The following CLDND1 variants were observed in gnomAD, a reference collection of about 807,000 sequenced individuals.
CLDND1 encodes claudin domain containing 1.
CLDND1 carries 13 observed loss-of-function variants against 26.3 expected under a neutral mutation model. The observed-to-expected ratio is 0.49, with a 90% CI of 0.32 to 0.78. The LOEUF (loss-of-function observed/expected upper bound fraction) is 0.78, where lower values mean the gene tolerates loss of function less well. CLDND1 is among the 30% of genes least tolerant of loss of function. CLDND1 has a pLI of 0.03. For synonymous variants in CLDND1, 107 were observed against 107.0 expected (o/e 1.00, Z 0.00); for missense variants, 289 against 312.8 (o/e 0.92, Z 0.57).
At chr3:98,522,085 A>G (rs1013760200) in intron 1 of CLDND1, 1 of 182,260 alleles carries the variant, frequency 5.5e-6, no homozygotes, top group Non-Finnish European at 1.1e-5. Flanking sequence ...AGCTAAGCCA[A>G]GCTTCTTTAC....
chr3:98,520,178 C>A (rs574962838), intron 2 of CLDND1, among the ~76,000 whole-genome samples: 1 of 152,296 alleles, frequency 6.6e-6, no homozygotes, highest in Non-Finnish European at 1.5e-5. Flanking sequence ...TGGAGACATG[C>A]AATAAATTAT....
At chr3:98,519,933 T>C (rs1043516964) in intron 2 of CLDND1, among the ~76,000 whole-genome samples, 1 of 152,380 alleles carries the variant, frequency 6.6e-6, no homozygotes, top group East Asian at 1.9e-4. Flanking sequence ...AAGTATCCTA[T>C]TGAAAATCAT....
In CLDND1 at chr3:98,516,866, C is replaced by T. The variant is rs1243501591; in HGVS notation, c.555G>A (p.Leu185=). ...CAGCAACATAACAACTTACTGAGCC[C>T]AGTGTACACAGACCTTGGGGGAAAA... ...ILHLLAGLCT[L]GSVSCYVAGI... Residue 185 remains leucine, a synonymous_variant, in exon 5 of 5, where the codon CTG becomes CTA. Coordinates refer to ENST00000341181, the MANE Select transcript of CLDND1 (RefSeq NM_001040181.2). The T allele has an allele frequency of 6.2e-7, 1 of 1,614,124 alleles. No individual in the cohort carries two copies. Among genetic ancestry groups the T allele is most frequent in the South Asian group, 1.1e-5 (1 of 91,074 alleles).
intron 2 of CLDND1, 35 bp downstream of exon 2, chr3:98,521,098 G>C: frequency 6.4e-7 from 1 of 1,567,262 alleles, no homozygotes; most frequent in Non-Finnish European, 8.7e-7. Context: ...TTATTAACCA[G>C]GTGAAGAAGA....
chr3:98,519,851 T>C (rs1057152622), intron 2 of CLDND1, among the ~76,000 whole-genome samples: 1 of 152,234 alleles, frequency 6.6e-6, no homozygotes, highest in Non-Finnish European at 1.5e-5. Context: ...TTTACCCATA[T>C]GGCCAACTCT....
intron 3 of CLDND1, chr3:98,518,675 C>A (rs1425297451): frequency 5.6e-6 from 3 of 538,404 alleles, no homozygotes; most frequent in Non-Finnish European, 9.9e-6. Flanking sequence ...AAGTAGTTGG[C>A]CCTGTCAACT....
At chr3:98,522,783 C>T (rs1706483869) in intron 1 of CLDND1, 66 bp downstream of exon 1, 2 of 1,612,868 alleles carry the variant, frequency 1.2e-6, no homozygotes, top group Admixed American at 1.7e-5. Context: ...GGCCCCTCTT[C>T]AAACCGCCGG....
At position 98,521,157 on chromosome 3, in the gene CLDND1, A is replaced by C. The variant is rs1308467999; in HGVS notation, c.268T>G (p.Trp90Gly). The change falls in exon 2 of 5, where the codon TGG becomes GGG. Residue 90 changes from tryptophan to glycine, a missense_variant. Transcript: ENST00000341181. ...RCITIPKNMH[W>G]YSPPERTESF... ...CCTGTCCTTTCTGGTGGGCTATACC[A>C]ATGCATGTTTTTGGGTATGGTGATA... 6.2e-7 allele frequency: 1 copy of C among 1,613,700 alleles called. No homozygotes were observed. The highest frequency in any genetic ancestry group is 8.5e-7 in the Non-Finnish European group (1 of 1,179,658).
intron 1 of CLDND1, chr3:98,521,966 TGAAGATG>T: frequency 2.3e-6 from 1 of 436,966 alleles, no homozygotes; most frequent in Non-Finnish European, 4.1e-6. Flanking sequence ...AAAACAGAGT[TGAAGATG>T]TTTGTTAACC....
intron 3 of CLDND1, 87 bp from the exon 4 acceptor site, chr3:98,517,276 G>T: frequency 6.9e-7 from 1 of 1,443,800 alleles, no homozygotes; most frequent in Non-Finnish European, 9.4e-7. Flanking sequence ...ATTCTAATTA[G>T]ATCTTTTCTC....
Position 98,516,862 on chromosome 3 carries a change from A to G in CLDND1, c.559T>C (p.Ser187Pro). 3 of 1,614,202 alleles carry G rather than the reference A, an allele frequency of 1.9e-6. No individual in the cohort carries two copies. Among genetic ancestry groups the G allele is most frequent in the Non-Finnish European group, 2.5e-6 (3 of 1,180,016 alleles). Reference sequence around the variant, plus strand: ...ATTCCAGCAACATAACAACTTACTGAGCCCAGTGTACACAGACCTTGGGGG... The same window carrying G: ...ATTCCAGCAACATAACAACTTACTGGGCCCAGTGTACACAGACCTTGGGGG... ...HLLAGLCTLG[S>P]VSCYVAGIEL... The change falls in exon 5 of 5, where the codon TCA (serine) becomes CCA (proline). Residue 187 changes from serine to proline, a missense_variant. By Grantham distance (74) the Ser-to-Pro change is moderately conservative (BLOSUM62 -1). Coordinates refer to ENST00000341181, the MANE Select transcript of CLDND1 (RefSeq NM_001040181.2).
At chr3:98,522,156 A>C (rs1706447106) in intron 1 of CLDND1, 1 of 160,986 alleles carries the variant, frequency 6.2e-6, no homozygotes, top group Non-Finnish European at 1.4e-5. Context: ...AACCTCCTCA[A>C]CAGAAATCTT....
chr3:98,519,635 C>A (rs1010696089), intron 2 of CLDND1, among the ~76,000 whole-genome samples: 5 of 152,196 alleles, frequency 3.3e-5, no homozygotes, highest in Admixed American at 2.6e-4. Flanking sequence ...GGAGTCAACA[C>A]CAAAGTTCTC....
rs769198199 is a variant in CLDND1 at position 98,516,877 on chromosome 3, G to A, written c.544C>T (p.Leu182=). 6.2e-6 allele frequency: 10 copies of A among 1,613,672 alleles called. No homozygotes were observed. The East Asian group carries it at 2.2e-4, about 36-fold the overall frequency. Residue 182 remains leucine, a splice_region_variant and synonymous_variant, in exon 5 of 5, where the codon CTG becomes TTG. Transcript: ENST00000341181. ...CAACTTACTGAGCCCAGTGTACACA[G>A]ACCTTGGGGGAAAATTTAGAAAACA... ...ATGILHLLAG[L]CTLGSVSCYV... is the part of the protein sequence containing the mutation.
Position 98,516,215 on chromosome 3 carries a change from G to T in CLDND1, c.*444C>A, listed in dbSNP as rs1433338336. The T allele has an allele frequency of 9.6e-7, 1 of 1,037,262 alleles. No homozygotes were observed. The highest frequency in any genetic ancestry group is 9.1e-5 in the East Asian group (1 of 10,988). The allele number at this position is 1,037,262 out of a possible 1,614,324, so 64.3% of individuals were successfully genotyped here. On this transcript the variant is annotated 3_prime_UTR_variant, in exon 5 of 5. Transcript: ENST00000341181. ...TTTGAAAACAGCACTAATACTGCTG[G>T]TTGACTGGCTATCTACAACAGCAAA...
At position 98,522,861 on chromosome 3, in the gene CLDND1, T is replaced by G; in HGVS notation, c.-31A>C. 1.2e-6 allele frequency: 2 copies of G among 1,613,738 alleles called. No individual in the cohort carries two copies. The highest frequency in any genetic ancestry group is 1.7e-6 in the Non-Finnish European group (2 of 1,179,726). On this transcript the variant is annotated 5_prime_UTR_variant, in exon 1 of 5. Coordinates refer to ENST00000341181, the MANE Select transcript of CLDND1 (RefSeq NM_001040181.2). Reference sequence around the variant, plus strand: ...CCCGCTCACTCACCGCCCATCCTCCTGCTCCGCCAGCTTCACCCTCTAGCT... The same window carrying G: ...CCCGCTCACTCACCGCCCATCCTCCGGCTCCGCCAGCTTCACCCTCTAGCT...
chr3:98,517,527 T>G (rs1483739106), intron 3 of CLDND1, among the ~76,000 whole-genome samples: 1 of 152,038 alleles, frequency 6.6e-6, no homozygotes, highest in African/African-American at 2.4e-5. Context: ...CAGATTCAAC[T>G]AACCAAGGGT....
intron 3 of CLDND1, 61 bp from the exon 4 acceptor site, chr3:98,517,250 T>C (rs1706183171): frequency 1.9e-6 from 3 of 1,564,238 alleles, no homozygotes; most frequent in Non-Finnish European, 1.7e-6. Flanking sequence ...TTCCCCGCAA[T>C]GGCAATTTCT....
rs1706290675 is a variant in CLDND1, at chr3:98,519,132, C to T, written c.293-137G>A. ...AACTTCTCTGGCCCTGACTGACACA[C>T]AGGTTTCATAGATGTCCAATGGATG... On this transcript the variant is annotated intron_variant, in intron 2 of 4. Transcript: ENST00000341181. 8.4e-6 allele frequency: 5 copies of T among 593,988 alleles called. 1 individual carries two copies. The South Asian group carries it at 1.0e-4, about 12-fold the overall frequency. 36.8% of individuals were successfully genotyped at this position (593,988 alleles called of 1,614,324 possible). A position where few individuals can be genotyped will look rare whatever the true frequency, so the allele number is the denominator to read the frequency against.
Sources: allele counts gnomAD v4.1 joint callset (sites outside exome capture counted in the v4.1 genomes callset), GRCh38; gene constraint gnomAD v4.1.1; transcripts MANE v1.5; gene names NCBI Gene and HGNC (gene_info 2026-07-23, HGNC 2026-07-21).